PTPRD: variants seen among roughly 807,000 people sequenced by gnomAD.
PTPRD encodes protein tyrosine phosphatase receptor type D.
Under a neutral mutation model 214.5 loss-of-function variants are expected in PTPRD, and 34 were observed. The observed-to-expected ratio is 0.16, with a 90% CI of 0.12 to 0.21. The LOEUF (loss-of-function observed/expected upper bound fraction) is 0.21. Ranked by LOEUF, PTPRD falls within the 10% of genes least tolerant of loss-of-function variation. The pLI, the probability that PTPRD is intolerant of heterozygous loss-of-function variation, is 1.00. For missense variants in PTPRD, 2,545 were observed against 2,398.7 expected, an observed-to-expected ratio of 1.06 and a Z score of -1.27; for synonymous variants, 1,128 against 845.7, an observed-to-expected ratio of 1.33 and a Z score of -5.79.
chr9:8,891,290 C>T (rs1189176837), intron 11 of PTPRD, among the ~76,000 whole-genome samples: 10 of 151,798 alleles, frequency 6.6e-5, no homozygotes, highest in East Asian at 1.9e-4. Context: ...CCCGCCACCA[C>T]GCCTGGCTAA....
rs149564759 is a variant in PTPRD, at chr9:8,497,017, A to G, written c.2349+225T>C. Reference sequence around the variant, plus strand: ...GTTAGTAGCAGCCATCAAAACAAATATCACAAGCCCATGACATTTCTTACG... The same window carrying G: ...GTTAGTAGCAGCCATCAAAACAAATGTCACAAGCCCATGACATTTCTTACG... On this transcript the variant is annotated intron_variant, in intron 26 of 45. Transcript: ENST00000381196. 1.5e-3 allele frequency among the ~76,000 whole-genome samples: 231 copies of G among 152,314 alleles called. 1 individual carries two copies. Among genetic ancestry groups the G allele is most frequent in the African/African-American group, 5.1e-3 (214 of 41,574 alleles).
intron 3 of PTPRD, among the ~76,000 whole-genome samples, chr9:10,102,902 A>G (rs1263522239): frequency 3.3e-5 from 5 of 151,738 alleles, no homozygotes; most frequent in African/African-American, 7.2e-5. Flanking sequence ...AATTTTCCCA[A>G]TGTATTTCAC....
chr9:8,422,546 A>G (rs2094436846), intron 35 of PTPRD, among the ~76,000 whole-genome samples: 1 of 152,174 alleles, frequency 6.6e-6, no homozygotes, highest in Admixed American at 6.6e-5. Context: ...TGTCTTCTCT[A>G]CAGTAAAATA....
chr9:9,915,211 C>G (rs191369174), intron 5 of PTPRD, among the ~76,000 whole-genome samples: 138 of 152,240 alleles, frequency 9.1e-4, no homozygotes, highest in African/African-American at 3.1e-3. Context: ...ACTGACAGCC[C>G]AAGACCCATT....
intron 35 of PTPRD, among the ~76,000 whole-genome samples, chr9:8,407,743 C>A (rs1164588385): frequency 6.6e-6 from 1 of 152,172 alleles, no homozygotes; most frequent in Middle Eastern, 3.2e-3. Context: ...TACGTTTATA[C>A]TCGTTTTACA....
chr9:9,905,241 G>A (rs1475773845), intron 5 of PTPRD, among the ~76,000 whole-genome samples: 2 of 151,616 alleles, frequency 1.3e-5, no homozygotes, highest in Admixed American at 1.3e-4. Context: ...CATTTACTTT[G>A]CAAACATATA....
chr9:8,783,914 T>A (rs765255407), intron 11 of PTPRD, among the ~76,000 whole-genome samples: 4 of 152,212 alleles, frequency 2.6e-5, no homozygotes, highest in Non-Finnish European at 4.4e-5. Flanking sequence ...CTATACATCC[T>A]AACACAGCTT....
At chr9:8,925,490 C>A (rs1183505265) in intron 11 of PTPRD, among the ~76,000 whole-genome samples, 1 of 151,282 alleles carries the variant, frequency 6.6e-6, no homozygotes, top group Non-Finnish European at 1.5e-5. Context: ...AATTTCAATT[C>A]CCCGAAACAG....
At chr9:10,514,301 G>A (rs766985171) in intron 2 of PTPRD, among the ~76,000 whole-genome samples, 7 of 149,956 alleles carry the variant, frequency 4.7e-5, no homozygotes, top group Non-Finnish European at 8.9e-5. Context: ...ACTCTTCTTT[G>A]GGGAGCAAAA....
chr9:9,629,219 G>GAT (rs1168653010), intron 7 of PTPRD, among the ~76,000 whole-genome samples: 1 of 118,988 alleles, frequency 8.4e-6, no homozygotes, highest in African/African-American at 3.8e-5. Flanking sequence ...ATTCTGGGGA[G>GAT]ATATATATGT....
intron 3 of PTPRD, among the ~76,000 whole-genome samples, chr9:10,241,554 G>A (rs2091054940): frequency 6.6e-6 from 1 of 151,742 alleles, no homozygotes; most frequent in Non-Finnish European, 1.5e-5. Context: ...TAACAACACG[G>A]GTAATTCAAA....
chr9:10,204,560 A>T (rs1002037994), intron 3 of PTPRD, among the ~76,000 whole-genome samples: 1 of 152,132 alleles, frequency 6.6e-6, no homozygotes, highest in African/African-American at 2.4e-5. Flanking sequence ...CAATAAATAC[A>T]AAGAACATAT....
intron 2 of PTPRD, among the ~76,000 whole-genome samples, chr9:10,498,123 T>C (rs182883385): frequency 6.6e-6 from 1 of 152,138 alleles, no homozygotes; most frequent in East Asian, 1.9e-4. Context: ...AGCTCTTCCA[T>C]GGATTTGGTT....
At chr9:10,523,983 T>C (rs547029207) in intron 2 of PTPRD, among the ~76,000 whole-genome samples, 2 of 152,106 alleles carry the variant, frequency 1.3e-5, no homozygotes, top group South Asian at 2.1e-4. Context: ...AAGCTAGAAG[T>C]CCAAGATGAT....
intron 8 of PTPRD, among the ~76,000 whole-genome samples, chr9:9,406,493 A>G (rs1225295838): frequency 6.6e-6 from 1 of 151,978 alleles, no homozygotes; most frequent in South Asian, 2.1e-4. Flanking sequence ...CTACCTTTTC[A>G]CTGAAATCAA....
chr9:10,370,488 TC>T (rs2097589299), intron 2 of PTPRD, among the ~76,000 whole-genome samples: 1 of 152,086 alleles, frequency 6.6e-6, no homozygotes, highest in African/African-American at 2.4e-5. Flanking sequence ...ATCAAACGGT[TC>T]TATACTAAAC....
At chr9:9,148,080 CT>C (rs1190213714) in intron 10 of PTPRD, among the ~76,000 whole-genome samples, 1 of 152,070 alleles carries the variant, frequency 6.6e-6, no homozygotes, top group Admixed American at 6.6e-5. Context: ...ATTTATTTAG[CT>C]TTTGTATTGC....
At chr9:8,395,087 T>C (rs1023075919) in intron 36 of PTPRD, among the ~76,000 whole-genome samples, 3 of 152,138 alleles carry the variant, frequency 2.0e-5, no homozygotes, top group African/African-American at 7.2e-5. Flanking sequence ...AAATCCCAGG[T>C]ACTTTTATTT....
At chr9:8,655,026 C>T (rs1211659309) in intron 12 of PTPRD, among the ~76,000 whole-genome samples, 1 of 151,902 alleles carries the variant, frequency 6.6e-6, no homozygotes, top group African/African-American at 2.4e-5. Context: ...ATTCAAGATT[C>T]CTAAACATAA....
Sources: allele counts gnomAD v4.1 joint callset (sites outside exome capture counted in the v4.1 genomes callset), GRCh38; gene constraint gnomAD v4.1.1; transcripts MANE v1.5; gene names NCBI Gene and HGNC (gene_info 2026-07-23, HGNC 2026-07-21).